The following SH3D19 variants were observed in gnomAD, a reference collection of about 807,000 sequenced individuals.
The protein encoded by SH3D19 is SH3 domain-containing protein 19.
Under a neutral mutation model 112.1 loss-of-function variants are expected in SH3D19, and 58 were observed. The observed-to-expected ratio is 0.52, with a 90% CI of 0.42 to 0.64. The LOEUF (loss-of-function observed/expected upper bound fraction) is 0.64. Among genes scored for constraint, SH3D19 ranks in the 30% least tolerant of loss-of-function variants. The pLI, the probability that SH3D19 is intolerant of heterozygous loss-of-function variation, is 0.00. For missense variants in SH3D19, 1,090 were observed against 1,263.4 expected (o/e 0.86, Z 2.08); for synonymous variants, 391 against 448.5 (o/e 0.87, Z 1.62).
intron 1 of SH3D19, among the ~76,000 whole-genome samples, chr4:151,252,636 T>C (rs750876889): frequency 1.3e-5 from 2 of 152,230 alleles, no homozygotes; most frequent in Non-Finnish European, 1.5e-5. Context: ...GACACCCTAA[T>C]CTAGCCCTAG....
In SH3D19 at chr4:151,247,730, CAT is replaced by C. The variant is rs553952266; in HGVS notation, c.113-21646_113-21645del. ...TATAACTTTAATGTATATAAACAGA[CAT>C]GTTTATTTTATGTGGATTAAATAAG... is the stretch of plus-strand genomic sequence containing the variant. On this transcript the variant is annotated intron_variant, in intron 1 of 19. Coordinates refer to ENST00000604030, the MANE Select transcript of SH3D19 (RefSeq NM_001378122.1). Among the ~76,000 whole-genome samples, 724 of 152,208 alleles carry C rather than the reference CAT, an allele frequency of 4.8e-3. 5 individuals are homozygous for C. Among genetic ancestry groups the C allele is most frequent in the African/African-American group, 0.016 (660 of 41,530 alleles).
intron 1 of SH3D19, among the ~76,000 whole-genome samples, chr4:151,258,648 C>G (rs1452161070): frequency 6.6e-6 from 1 of 152,204 alleles, no homozygotes; most frequent in African/African-American, 2.4e-5. Context: ...CCCAGGACAG[C>G]AGGGGACGCC....
intron 7 of SH3D19, among the ~76,000 whole-genome samples, 198 bp downstream of exon 7, chr4:151,174,472 T>C (rs1476492590): frequency 6.6e-6 from 1 of 152,206 alleles, no homozygotes; most frequent in Non-Finnish European, 1.5e-5. Context: ...CTTCCCTCCC[T>C]GTCTCCATTC....
rs948550484 is a variant in SH3D19 at position 151,226,197 on chromosome 4, G to T, written c.113-111C>A. ...AGATTTCACAAAGGACTGTTCAAAG[G>T]TAGTTGTGTCTTCCTAAGTATAAGG... On this transcript the variant is annotated intron_variant, in intron 1 of 19. Transcript: ENST00000604030. 1.8e-5 allele frequency: 22 copies of T among 1,228,124 alleles called. No individual in the cohort carries two copies. In the African/African-American group the frequency reaches 2.8e-4, roughly 16 times the overall value. The allele number at this position is 1,228,124 out of a possible 1,614,324, so 76.1% of individuals were successfully genotyped here.
chr4:151,200,132 C>T (rs928059180), intron 2 of SH3D19, among the ~76,000 whole-genome samples: 2 of 152,070 alleles, frequency 1.3e-5, no homozygotes, highest in East Asian at 1.9e-4. Flanking sequence ...TTCCCAGCCT[C>T]GAGAAGTGTG....
In SH3D19 at chr4:151,165,634, T is replaced by C; in HGVS notation, c.1597A>G (p.Thr533Ala). The change falls in exon 8 of 20, where the codon ACC (threonine) becomes GCC (alanine). Residue 533 changes from threonine (T) to alanine (A), a missense_variant. Physicochemically the swap from Thr to Ala is moderately conservative, Grantham distance 58. Transcript: ENST00000604030. ...ATTCGAATTACAGTGGGCTTCCTGG[T>C]GGGTGCTGGTTGAACTGCTCGTTCT... ...IKERAVQPAP[T>A]RKPTVIRIPA... The C allele has an allele frequency of 2.5e-6, 4 of 1,614,138 alleles. No individual in the cohort carries two copies. Among genetic ancestry groups the C allele is most frequent in the East Asian group, 4.5e-5 (2 of 44,878 alleles).
At chr4:151,223,505 A>T (rs1252722958) in intron 2 of SH3D19, among the ~76,000 whole-genome samples, 1 of 152,014 alleles carries the variant, frequency 6.6e-6, no homozygotes, top group African/African-American at 2.4e-5. Context: ...ATCATCTTGT[A>T]TTTTCCCTTA....
At chr4:151,233,341 T>C (rs947934539) in intron 1 of SH3D19, among the ~76,000 whole-genome samples, 4 of 152,012 alleles carry the variant, frequency 2.6e-5, no homozygotes, top group Non-Finnish European at 2.9e-5. Flanking sequence ...CATGGAAAAA[T>C]TGTCTTCCAT....
chr4:151,200,016 A>T (rs1021370841), intron 2 of SH3D19, among the ~76,000 whole-genome samples: 5 of 152,062 alleles, frequency 3.3e-5, no homozygotes, highest in African/African-American at 4.8e-5. Flanking sequence ...CCCCAGAGAG[A>T]TCCCTTGCCT....
intron 2 of SH3D19, among the ~76,000 whole-genome samples, chr4:151,191,482 T>C (rs1762622668): frequency 6.6e-6 from 1 of 152,004 alleles, no homozygotes; most frequent in Non-Finnish European, 1.5e-5. Flanking sequence ...TGGGAGGTGA[T>C]TGAGTTATGG....
chr4:151,199,084 T>C (rs566531046), intron 2 of SH3D19, among the ~76,000 whole-genome samples: 126 of 151,636 alleles, frequency 8.3e-4, no homozygotes, highest in Non-Finnish European at 1.4e-3. Context: ...ACATATTTGG[T>C]AGCCGAAGGA....
At chr4:151,122,671 C>A (rs1437246818) in intron 19 of SH3D19, among the ~76,000 whole-genome samples, 1 of 152,076 alleles carries the variant, frequency 6.6e-6, no homozygotes, top group Non-Finnish European at 1.5e-5. Context: ...CTCATTAGGG[C>A]CATCAAGGGA....
At chr4:151,148,314 ATACAGTT>A (rs1434138669) in intron 10 of SH3D19, 128 bp from the exon 11 acceptor site, 1 of 999,770 alleles carries the variant, frequency 1.0e-6, no homozygotes, top group Non-Finnish European at 1.4e-6. Context: ...TGCTAGTGGA[ATACAGTT>A]TACTGAAACA....
intron 1 of SH3D19, among the ~76,000 whole-genome samples, chr4:151,323,973 T>C (rs1321623616): frequency 6.6e-6 from 1 of 152,220 alleles, no homozygotes; most frequent in East Asian, 1.9e-4. Flanking sequence ...AGTTTTTTCA[T>C]TGTACTCTTG....
chr4:151,151,886 A>T (rs1279199769), intron 9 of SH3D19, among the ~76,000 whole-genome samples: 1 of 152,218 alleles, frequency 6.6e-6, no homozygotes, highest in Non-Finnish European at 1.5e-5. Flanking sequence ...TACCTTGATA[A>T]AGAAAATTTA....
chr4:151,243,325 A>G (rs1770694346), intron 1 of SH3D19, among the ~76,000 whole-genome samples: 1 of 152,248 alleles, frequency 6.6e-6, no homozygotes, highest in Admixed American at 6.5e-5. Context: ...ATAATAAACA[A>G]CAAATGAAAA....
At chr4:151,282,134 T>G in intron 1 of SH3D19, 1 of 1,612,250 alleles carries the variant, frequency 6.2e-7, no homozygotes, top group Non-Finnish European at 8.5e-7. Context: ...AGGCCTCCTT[T>G]CTTTTCCCCA....
chr4:151,251,349 C>A (rs1018561687), intron 1 of SH3D19, among the ~76,000 whole-genome samples: 1 of 152,080 alleles, frequency 6.6e-6, no homozygotes, highest in Non-Finnish European at 1.5e-5. Context: ...CAGGCGCATA[C>A]CACCATGCCC....
chr4:151,245,069 A>G (rs10006188), intron 1 of SH3D19, among the ~76,000 whole-genome samples: 129,399 of 151,864 alleles, frequency 0.85, 56,151 homozygotes, highest in Non-Finnish European at 0.95. Flanking sequence ...ATTTGAACCC[A>G]GGAAGCGAAG....
Sources: allele counts gnomAD v4.1 joint callset (sites outside exome capture counted in the v4.1 genomes callset), GRCh38; gene constraint gnomAD v4.1.1; transcripts MANE v1.5; gene names NCBI Gene and HGNC (gene_info 2026-07-23, HGNC 2026-07-21).